Variants in VPS35L observed in about 807,000 individuals in gnomAD.
VPS35L encodes VPS35 endosomal protein-sorting factor-like.
VPS35L carries 83 observed loss-of-function variants against 133.0 expected under a neutral mutation model. That is an observed-to-expected ratio of 0.62 (90% confidence interval 0.52 to 0.75). The LOEUF is 0.75. Among genes scored for constraint, VPS35L ranks in the 30% least tolerant of loss-of-function variants. The probability of loss-of-function intolerance (pLI) is 0.00; values close to 1 mark genes in which losing one functional copy is unlikely to be tolerated. For missense variants in VPS35L, 1,083 were observed against 1,206.8 expected (o/e 0.90, Z 1.52); for synonymous variants, 423 against 449.9 (o/e 0.94, Z 0.76).
chr16:19,590,597 C>T (rs999073674), intron 7 of VPS35L, among the ~76,000 whole-genome samples: 1 of 152,218 alleles, frequency 6.6e-6, no homozygotes, highest in Non-Finnish European at 1.5e-5. Context: ...TGTGTGACTG[C>T]GGTCTTCCAT....
At chr16:19,666,663 A>G (rs892383983) in intron 26 of VPS35L, among the ~76,000 whole-genome samples, 2 of 152,172 alleles carry the variant, frequency 1.3e-5, no homozygotes, top group African/African-American at 2.4e-5. Context: ...AGGCATAATA[A>G]TAGGCACATT....
At chr16:19,689,101 T>C (rs1448621581) in intron 28 of VPS35L, among the ~76,000 whole-genome samples, 1 of 148,566 alleles carries the variant, frequency 6.7e-6, no homozygotes, top group African/African-American at 2.5e-5. Context: ...TGCAGGAGCG[T>C]GCCAGTAGCT....
At chr16:19,678,988 T>A (rs1975161409) in intron 27 of VPS35L, among the ~76,000 whole-genome samples, 1 of 152,168 alleles carries the variant, frequency 6.6e-6, no homozygotes, top group East Asian at 1.9e-4. Flanking sequence ...GTCACAAGAC[T>A]TATGCATTTG....
intron 22 of VPS35L, among the ~76,000 whole-genome samples, chr16:19,644,659 A>G (rs369962304): frequency 1.2e-4 from 19 of 152,208 alleles, no homozygotes; most frequent in African/African-American, 3.6e-4. Context: ...TAATAAATCT[A>G]TCTTGAGAAC....
chr16:19,656,314 T>C (rs1374295636), intron 26 of VPS35L, among the ~76,000 whole-genome samples: 2 of 138,838 alleles, frequency 1.4e-5, no homozygotes, highest in African/African-American at 3.1e-5. Context: ...CATTTTACAA[T>C]GGAAGTATGT....
intron 2 of VPS35L, among the ~76,000 whole-genome samples, chr16:19,567,461 G>A (rs146781227): frequency 5.6e-4 from 85 of 152,296 alleles, no homozygotes; most frequent in African/African-American, 2.0e-3. Context: ...TGTAGGAACT[G>A]AGTGTGGGGG....
chr16:19,561,756 C>G (rs1567380580), intron 1 of VPS35L, among the ~76,000 whole-genome samples: 2 of 152,124 alleles, frequency 1.3e-5, no homozygotes, highest in East Asian at 3.9e-4. Context: ...CCCAGAAAAG[C>G]TGTTTTACTG....
chr16:19,626,739 C>T (rs1349684919), intron 15 of VPS35L, among the ~76,000 whole-genome samples: 5 of 151,750 alleles, frequency 3.3e-5, no homozygotes, highest in African/African-American at 4.8e-5. Context: ...TCTAGCTTGG[C>T]GACAGAGTGA....
At chr16:19,611,173 T>C (rs1972706799) in intron 12 of VPS35L, among the ~76,000 whole-genome samples, 1 of 152,094 alleles carries the variant, frequency 6.6e-6, no homozygotes, top group Non-Finnish European at 1.5e-5. Context: ...CTAAGTTTTG[T>C]ATATTTAGTA....
chr16:19,608,747 A>G (rs1321266087), intron 10 of VPS35L: 1 of 514,004 alleles, frequency 1.9e-6, no homozygotes, highest in Non-Finnish European at 3.4e-6. Context: ...TCAGCATGCA[A>G]CTATGAATCA....
intron 9 of VPS35L, among the ~76,000 whole-genome samples, chr16:19,606,096 A>G (rs982896590): frequency 5.9e-5 from 9 of 152,226 alleles, no homozygotes; most frequent in Non-Finnish European, 1.2e-4. Context: ...GTGTATGCAG[A>G]TTGTCGTATA....
intron 14 of VPS35L, among the ~76,000 whole-genome samples, chr16:19,625,886 C>T (rs1354235686): frequency 1.3e-5 from 2 of 152,072 alleles, no homozygotes; most frequent in Non-Finnish European, 2.9e-5. Flanking sequence ...GTTGGCCAGA[C>T]TAGTCTCGAG....
At chr16:19,575,691 C>T (rs1008046285) in intron 5 of VPS35L, among the ~76,000 whole-genome samples, 3 of 150,536 alleles carry the variant, frequency 2.0e-5, no homozygotes, top group African/African-American at 7.4e-5. Context: ...GGTGAAACCC[C>T]ATTTCTACTG....
intron 14 of VPS35L, among the ~76,000 whole-genome samples, chr16:19,625,920 T>C (rs1016246017): frequency 6.6e-6 from 1 of 152,146 alleles, no homozygotes; most frequent in African/African-American, 2.4e-5. Context: ...GTGATCCACC[T>C]GCCTCGGTCT....
Position 19,607,872 on chromosome 16 carries a change from A to G in VPS35L, c.785-306A>G, listed in dbSNP as rs112264145. The G allele has an allele frequency of 9.5e-5, 25 of 264,294 alleles. 1 individual carries two copies. Among genetic ancestry groups the G allele is most frequent in the Middle Eastern group, 1.4e-3 (1 of 732 alleles). The allele number at this position is 264,294 out of a possible 1,614,324, so 16.4% of individuals were successfully genotyped here. On this transcript the variant is annotated intron_variant, in intron 9 of 30. Transcript: ENST00000417362. ...TGCTGTGTGCCTTGGGTGAGTCACTACATTCCTCTGTGCCTTGGTCTCTGC... is the reference window on the plus strand; with the variant it reads ...TGCTGTGTGCCTTGGGTGAGTCACTGCATTCCTCTGTGCCTTGGTCTCTGC...
At chr16:19,598,976 A>G (rs962413130) in intron 8 of VPS35L, among the ~76,000 whole-genome samples, 1 of 152,180 alleles carries the variant, frequency 6.6e-6, no homozygotes, top group Non-Finnish European at 1.5e-5. Context: ...CCGAGGTAAC[A>G]TTGCATGCAT....
At chr16:19,656,962 GTTTT>G (rs1180404849) in intron 26 of VPS35L, among the ~76,000 whole-genome samples, 1 of 109,542 alleles carries the variant, frequency 9.1e-6, no homozygotes. Context: ...AAAAGAACTT[GTTTT>G]TTTTTTTTTT....
chr16:19,634,645 A>G (rs1973569553), intron 19 of VPS35L, among the ~76,000 whole-genome samples: 1 of 152,218 alleles, frequency 6.6e-6, no homozygotes, highest in Non-Finnish European at 1.5e-5. Context: ...TAGAATTGGA[A>G]AAATCACCAT....
Position 19,573,186 on chromosome 16 carries a change from C to T in VPS35L, c.353C>T (p.Thr118Ile), listed in dbSNP as rs751981247. The part of the protein sequence containing the change: ...SVVGSDFEPW[T>I]NKRGEILARY... ...GTAGGATCGGATTTTGAGCCTTGGA[C>T]CAACAAACGGGGAGAAATCCTTGCC... The change falls in exon 4 of 31, where the codon ACC becomes ATC. Residue 118 changes from threonine (T) to isoleucine (I), a missense_variant. Coordinates refer to ENST00000417362, the MANE Select transcript of VPS35L (RefSeq NM_020314.7). 8 of 1,613,854 alleles carry T rather than the reference C, an allele frequency of 5.0e-6. No individual in the cohort carries two copies. The Admixed American group carries it at 1.3e-4, about 27-fold the overall frequency.
Sources: gnomAD v4.1 joint callset for allele counts (sites outside exome capture counted in the v4.1 genomes callset) on GRCh38, gnomAD v4.1.1 for gene constraint, MANE v1.5 for transcripts, NCBI Gene and HGNC (gene_info 2026-07-23, HGNC 2026-07-21) for gene names.